COL6A2: variants seen among roughly 807,000 people sequenced by gnomAD.
The protein encoded by COL6A2 is collagen type VI alpha 2 chain.
A neutral mutation model predicts 124.9 loss-of-function variants in COL6A2; 90 were observed. The ratio of observed to expected loss-of-function variants is 0.72; its 90% confidence interval spans 0.61 to 0.86. The LOEUF is 0.86. Among genes scored for constraint, COL6A2 ranks in the 40% least tolerant of loss-of-function variants. The pLI is 0.00. For missense variants in COL6A2, 1,607 were observed against 1,502.5 expected (o/e 1.07, Z -1.15); for synonymous variants, 793 against 618.2 (o/e 1.28, Z -4.19).
Position 46,116,200 on chromosome 21 carries a change from T to C in COL6A2, c.900+147T>C, listed in dbSNP as rs2078467873. The C allele has an allele frequency of 8.7e-7, 1 of 1,152,908 alleles. No homozygotes were observed. The highest frequency in any genetic ancestry group is 1.3e-6 in the Non-Finnish European group (1 of 788,794). The allele number at this position is 1,152,908 out of a possible 1,614,324, so 71.4% of individuals were successfully genotyped here. On this transcript the variant is annotated intron_variant, in intron 7 of 27. Transcript: ENST00000300527. This position sits in a 1 kb window ranked among gnomAD's most constrained non-coding sequence, Gnocchi z 4.6. ...AAGCACCTCGATAACTTGATGGCCG[T>C]CCCAAAACCCAGCCTCCAGCCCGAC...
chr21:46,116,751 C>T lies in COL6A2; in HGVS notation c.955-19C>T, dbSNP rs1266261540. The T allele has an allele frequency of 2.5e-6, 4 of 1,612,982 alleles. No homozygotes were observed. Among genetic ancestry groups the T allele is most frequent in the South Asian group, 1.1e-5 (1 of 91,090 alleles). On this transcript the variant is annotated intron_variant, in intron 9 of 27. Coordinates refer to ENST00000300527, the MANE Select transcript of COL6A2 (RefSeq NM_001849.4). The surrounding 1 kb of genome is among the most constrained non-coding windows in gnomAD (Gnocchi z 4.6). The stretch of plus-strand genomic sequence containing the variant: ...GAAGGACCGGGGCTAATGGAGTTCC[C>T]TCTTCCTTCTCTCTTCAGGGGGCCC...
Position 46,120,586 on chromosome 21 carries a change from G to C in COL6A2, c.1395+9G>C, listed in dbSNP as rs747883263. ...GCAACAAAGGAGCCAAGGTAGGGGA[G>C]CAGGGTGGGCCGCACCCCAAGGTAG... On this transcript the variant is annotated intron_variant, in intron 16 of 27. Transcript: ENST00000300527. 77 of 1,458,622 alleles carry C rather than the reference G, an allele frequency of 5.3e-5. No individual in the cohort carries two copies. Among genetic ancestry groups the C allele is most frequent in the Non-Finnish European group, 6.5e-5 (72 of 1,105,006 alleles). The allele number at this position is 1,458,622 out of a possible 1,614,324, so 90.4% of individuals were successfully genotyped here.
rs373898491 is a variant in COL6A2, at chr21:46,128,971, G to A, written c.2461+2430G>A. ...CGTGGTGTCCCCCAAAGGTGCCACC[G>A]TGCGGGTCTCCTAGCTCCCTGCCAG... On this transcript the variant is annotated intron_variant, in intron 27 of 27. Transcript: ENST00000300527. 56 of 1,609,330 alleles carry A rather than the reference G, an allele frequency of 3.5e-5. 1 individual carries two copies. The highest frequency in any genetic ancestry group is 2.1e-4 in the South Asian group (19 of 91,078).
chr21:46,116,762 C>T lies in COL6A2; in HGVS notation c.955-8C>T, dbSNP rs398123651. ...GCTAATGGAGTTCCCTCTTCCTTCT[C>T]TCTTCAGGGGGCCCCTGGCCTGGCT... On this transcript the variant is annotated splice_polypyrimidine_tract_variant and splice_region_variant and intron_variant, in intron 9 of 27. Coordinates refer to ENST00000300527, the MANE Select transcript of COL6A2 (RefSeq NM_001849.4). The surrounding 1 kb of genome is among the most constrained non-coding windows in gnomAD (Gnocchi z 4.6). 6.2e-7 allele frequency: 1 copy of T among 1,613,110 alleles called. No homozygotes were observed. Among genetic ancestry groups the T allele is most frequent in the Non-Finnish European group, 8.5e-7 (1 of 1,180,024 alleles).
rs764878153 is a variant in COL6A2 at position 46,124,893 on chromosome 21, C to T, written c.1743C>T (p.Pro581=). 1.3e-4 allele frequency: 204 copies of T among 1,612,746 alleles called. 1 individual carries two copies. Among genetic ancestry groups the T allele is most frequent in the Non-Finnish European group, 1.6e-4 (191 of 1,179,986 alleles). The change falls in exon 23 of 28, where the codon CCC becomes CCT. Residue 581 remains proline (P), a synonymous_variant. Transcript: ENST00000300527. ...PRGVPGPEGE[P]GPPGDPGLTE... is the part of the protein sequence containing the mutation. ...CATCCTTCCTTCCCCAGGGTGAGCC[C>T]GGCCCCCCTGGAGACCCCGGTCTCA... is the stretch of plus-strand genomic sequence containing the variant.
At chr21:46,127,716 T>C (rs1017624988) in intron 27 of COL6A2, among the ~76,000 whole-genome samples, 1 of 106,412 alleles carries the variant, frequency 9.4e-6, no homozygotes. Context: ...GTGGGTGCTT[T>C]GCTATCAGGT....
Position 46,132,682 on chromosome 21 carries a change from T to G in COL6A2, c.*130T>G. 2.1e-6 allele frequency: 2 copies of G among 971,916 alleles called. No homozygotes were observed. Among genetic ancestry groups the G allele is most frequent in the South Asian group, 2.9e-5 (2 of 69,234 alleles). 60.2% of individuals were successfully genotyped at this position (971,916 alleles called of 1,614,324 possible). A position where few individuals can be genotyped will look rare whatever the true frequency, so the allele number is the denominator to read the frequency against. ...CGCCCTGGGCCTGCACCTCTCCAGC[T>G]CCTCCCACGGGGTCCCCGTAGCCCC... On this transcript the variant is annotated 3_prime_UTR_variant, in exon 28 of 28. Coordinates refer to ENST00000300527, the MANE Select transcript of COL6A2 (RefSeq NM_001849.4).
chr21:46,115,855 C>CT lies in COL6A2; in HGVS notation c.802-13dup. On this transcript the variant is annotated splice_polypyrimidine_tract_variant and intron_variant, in intron 5 of 27. Transcript: ENST00000300527. The stretch of plus-strand genomic sequence containing the variant: ...CCACCCTACCCTGCCTCGATGTACT[C>CT]TTTTCTCTGCTTTTAGGGTGCCAAG... The CT allele has an allele frequency of 6.2e-7, 1 of 1,612,656 alleles. No individual in the cohort carries two copies.
chr21:46,111,884 G>A, intron 2 of COL6A2, 95 bp from the exon 3 acceptor site: 1 of 1,338,414 alleles, frequency 7.5e-7, no homozygotes, highest in Non-Finnish European at 1.1e-6. Flanking sequence ...CGGGGGCAGT[G>A]AGGTCAAACC....
rs751105293 is a variant in COL6A2 at position 46,116,760 on chromosome 21, C to T, written c.955-10C>T. ...GGGCTAATGGAGTTCCCTCTTCCTT[C>T]TCTCTTCAGGGGGCCCCTGGCCTGG... On this transcript the variant is annotated splice_polypyrimidine_tract_variant and intron_variant, in intron 9 of 27. Transcript: ENST00000300527. The surrounding 1 kb of genome is among the most constrained non-coding windows in gnomAD (Gnocchi z 4.6). 27 of 1,613,000 alleles carry T rather than the reference C, an allele frequency of 1.7e-5. No individual in the cohort carries two copies. The highest frequency in any genetic ancestry group is 1.6e-4 in the Middle Eastern group (1 of 6,084).
intron 26 of COL6A2, 74 bp downstream of exon 26, chr21:46,126,311 A>G: frequency 1.9e-6 from 3 of 1,554,488 alleles, no homozygotes; most frequent in Non-Finnish European, 2.6e-6. Flanking sequence ...AGCCCCAGGG[A>G]CACCCCTCAC....
chr21:46,121,634 C>T lies in COL6A2; in HGVS notation c.1521+16C>T. The T allele has an allele frequency of 6.2e-7, 1 of 1,612,422 alleles. No homozygotes were observed. Among genetic ancestry groups the T allele is most frequent in the Non-Finnish European group, 8.5e-7 (1 of 1,179,684 alleles). On this transcript the variant is annotated intron_variant, in intron 18 of 27. Transcript: ENST00000300527. ...AGGCCCCAAGGTACGTGCCCCTCCC[C>T]CAGCAGGACGTATTAGGGGTTCGGG... is the stretch of plus-strand genomic sequence containing the variant.
chr21:46,128,916 T>G (rs761749003), intron 27 of COL6A2: 2 of 1,612,870 alleles, frequency 1.2e-6, no homozygotes, highest in African/African-American at 2.7e-5. Flanking sequence ...TGGACGGAGC[T>G]GTTTTGTGCT....
At chr21:46,107,088 A>T (rs1021333398) in intron 1 of COL6A2, among the ~76,000 whole-genome samples, 1 of 152,138 alleles carries the variant, frequency 6.6e-6, no homozygotes, top group African/African-American at 2.4e-5. Context: ...AGTTTTTTTC[A>T]TAAGTCCTGC....
chr21:46,126,481 CGGCCT>C lies in COL6A2; in HGVS notation c.2423-21_2423-17del, dbSNP rs1568941293. On this transcript the variant is annotated splice_polypyrimidine_tract_variant and intron_variant, in intron 26 of 27. Coordinates refer to ENST00000300527, the MANE Select transcript of COL6A2 (RefSeq NM_001849.4). ...GCTAGGGACTGACCCTGGCCTGGCC[CGGCCT>C]CTCTCCTCTCTTCCAGACCCTCAGA... 1 of 1,613,014 alleles carries C rather than the reference CGGCCT, an allele frequency of 6.2e-7. No individual in the cohort carries two copies. The highest frequency in any genetic ancestry group is 8.5e-7 in the Non-Finnish European group (1 of 1,179,542).
chr21:46,109,930 G>A (rs1357291375), intron 1 of COL6A2, among the ~76,000 whole-genome samples: 2 of 152,238 alleles, frequency 1.3e-5, no homozygotes, highest in African/African-American at 4.8e-5. Flanking sequence ...CCTCCATGGA[G>A]CAGAAGGCCC....
rs145500808 is a variant in COL6A2 at position 46,114,058 on chromosome 21, C to G, written c.786C>G (p.Gly262=). 3.4e-4 allele frequency: 548 copies of G among 1,613,506 alleles called. No homozygotes were observed. The highest frequency in any genetic ancestry group is 4.3e-4 in the Non-Finnish European group (502 of 1,179,708). Residue 262 remains glycine (G), a synonymous_variant, in exon 5 of 28, where the codon GGC becomes GGG. Transcript: ENST00000300527. The part of the protein sequence containing the change: ...LEIPGPSGPK[G]YRGQKGAKGN... ...TCCCTGGGCCCTCTGGCCCCAAGGG[C>G]TACCGTGGACAGAAGGTAAGATGCC...
intron 27 of COL6A2, 140 bp downstream of exon 27, chr21:46,126,681 G>A (rs1008214808): frequency 3.4e-5 from 35 of 1,028,444 alleles, no homozygotes; most frequent in Non-Finnish European, 5.0e-5. Context: ...GCTCCTTAGG[G>A]AGATGGCCCC....
At chr21:46,126,601 C>A in intron 27 of COL6A2, 60 bp downstream of exon 27, 1 of 1,604,452 alleles carries the variant, frequency 6.2e-7, no homozygotes, top group Non-Finnish European at 8.5e-7. Context: ...GGTGTCCTTC[C>A]TCCTCGAGGG....
Sources: gnomAD v4.1 joint callset for allele counts (sites outside exome capture counted in the v4.1 genomes callset) on GRCh38, gnomAD v4.1.1 for gene constraint, Gnocchi (gnomAD v3.1) non-coding constraint, MANE v1.5 for transcripts, NCBI Gene and HGNC (gene_info 2026-07-23, HGNC 2026-07-21) for gene names.